Variants in ZPLD1 observed in about 807,000 individuals in gnomAD.
ZPLD1 encodes the protein zona pellucida-like domain-containing protein 1.
ZPLD1 carries 34 observed loss-of-function variants against 47.2 expected under a neutral mutation model. The ratio of observed to expected loss-of-function variants is 0.72; its 90% CI spans 0.55 to 0.96. The LOEUF (loss-of-function observed/expected upper bound fraction) is 0.96, where lower values mean the gene tolerates loss of function less well. ZPLD1 is among the 40% of genes least tolerant of loss of function. ZPLD1 has a pLI of 0.00. For missense variants in ZPLD1, 512 were observed against 505.8 expected (o/e 1.01, Z -0.12); for synonymous variants, 176 against 186.2 (o/e 0.95, Z 0.45).
At chr3:102,418,299 C>G (rs1159142104) in intron 8 of ZPLD1, 7 of 152,030 alleles carry the variant, frequency 4.6e-5, no homozygotes, top group Non-Finnish European at 1.0e-4. Context: ...ATAATGTTTT[C>G]TTTTTAACAC....
At chr3:102,431,941 T>C (rs1294343047), upstream of ZPLD1, among the ~76,000 whole-genome samples, 2 of 152,052 alleles carry the variant, frequency 1.3e-5, no homozygotes, top group African/African-American at 4.8e-5. Flanking sequence ...AATAATGATT[T>C]TGAAGGGCGA....
chr3:102,435,287 C>T (rs896800566), intron 1 of ZPLD1, 133 bp downstream of exon 1: 4 of 937,002 alleles, frequency 4.3e-6, no homozygotes, highest in South Asian at 2.9e-5. Flanking sequence ...AGGGATACTG[C>T]CTTTATAAGA....
At chr3:102,430,232 C>T (rs149020416), upstream of ZPLD1, among the ~76,000 whole-genome samples, 1 of 152,300 alleles carries the variant, frequency 6.6e-6, no homozygotes, top group East Asian at 1.9e-4. Context: ...ATGAATGCTA[C>T]CTAGTTCACC....
At chr3:102,415,560 T>G (rs1167579029) in intron 7 of ZPLD1, among the ~76,000 whole-genome samples, 1 of 151,992 alleles carries the variant, frequency 6.6e-6, no homozygotes, top group East Asian at 1.9e-4. Flanking sequence ...TTCTTATGTT[T>G]GTTTTATAAT....
At chr3:102,423,982 A>G (rs1706911673) in intron 8 of ZPLD1, among the ~76,000 whole-genome samples, 1 of 152,154 alleles carries the variant, frequency 6.6e-6, no homozygotes, top group Non-Finnish European at 1.5e-5. Context: ...CTAGAGTGCT[A>G]CAGGAGAAAC....
rs754372985 is a variant in ZPLD1, at chr3:102,453,150, T to C, written c.327+11T>C. ...GGAAACAACCTGGTGGTAAGATTAG[T>C]GTGACATTGTGTGCTAGGTCTGGGG... On this transcript the variant is annotated intron_variant, in intron 4 of 11. Transcript: ENST00000466937. The C allele has an allele frequency of 1.2e-5, 19 of 1,609,096 alleles. No homozygotes were observed. Among genetic ancestry groups the C allele is most frequent in the Non-Finnish European group, 1.7e-6 (2 of 1,175,776 alleles).
chr3:102,465,581 G>A (rs947443398), intron 8 of ZPLD1, among the ~76,000 whole-genome samples: 1 of 151,794 alleles, frequency 6.6e-6, no homozygotes, highest in Non-Finnish European at 1.5e-5. Context: ...GATTTTTTTT[G>A]ACATTTCTCT....
At chr3:102,441,802 A>G (rs1393267298) in intron 3 of ZPLD1, among the ~76,000 whole-genome samples, 1 of 152,178 alleles carries the variant, frequency 6.6e-6, no homozygotes. Context: ...TGACAGGACC[A>G]TTTGTCACAC....
At chr3:102,446,069 T>G (rs1367046492) in intron 3 of ZPLD1, among the ~76,000 whole-genome samples, 2 of 152,214 alleles carry the variant, frequency 1.3e-5, no homozygotes, top group Non-Finnish European at 2.9e-5. Context: ...TATACATATT[T>G]TGTTTGTAAA....
intron 3 of ZPLD1, among the ~76,000 whole-genome samples, chr3:102,440,293 G>A (rs949529401): frequency 1.3e-5 from 2 of 152,172 alleles, no homozygotes; most frequent in African/African-American, 4.8e-5. Context: ...TAGAGGCAGA[G>A]AGAAATATCC....
chr3:102,462,406 G>T, intron 7 of ZPLD1, 28 bp downstream of exon 7: 1 of 1,508,106 alleles, frequency 6.6e-7, no homozygotes, highest in Non-Finnish European at 9.1e-7. Context: ...TCTTTTTTAG[G>T]TTAAAACTCT....
At chr3:102,456,592 T>G (rs566386016) in intron 5 of ZPLD1, among the ~76,000 whole-genome samples, 1 of 151,356 alleles carries the variant, frequency 6.6e-6, no homozygotes, top group African/African-American at 2.4e-5. Flanking sequence ...TATCTATCTA[T>G]CTCTAATTGT....
intron 3 of ZPLD1, among the ~76,000 whole-genome samples, chr3:102,445,365 C>T (rs1442180168): frequency 1.3e-5 from 2 of 152,210 alleles, no homozygotes; most frequent in Non-Finnish European, 2.9e-5. Flanking sequence ...TGATTCTTGT[C>T]TCTCTCCCTC....
At chr3:102,422,366 G>T (rs911677156) in intron 8 of ZPLD1, among the ~76,000 whole-genome samples, 2 of 151,984 alleles carry the variant, frequency 1.3e-5, no homozygotes, top group African/African-American at 4.8e-5. Flanking sequence ...GTATATAGTG[G>T]ATAGAAGCCA....
At chr3:102,428,178 A>G (rs1706973167) in intron 8 of ZPLD1, among the ~76,000 whole-genome samples, 1 of 152,202 alleles carries the variant, frequency 6.6e-6, no homozygotes, top group African/African-American at 2.4e-5. Context: ...ATTACCCTGT[A>G]TAAACGTGAG....
rs1707124290 is a variant in ZPLD1, at chr3:102,438,485, G to T, written c.-3G>T. 1.9e-6 allele frequency: 3 copies of T among 1,613,184 alleles called. No homozygotes were observed. The East Asian group carries it at 6.7e-5, about 36-fold the overall frequency. ...GATAGATATCTCTTTTCCAGGTTTT[G>T]CAATGGAACAAATATGGTTGCTGCT... is the stretch of plus-strand genomic sequence containing the variant. On this transcript the variant is annotated 5_prime_UTR_variant, in exon 3 of 12. Coordinates refer to ENST00000466937, the MANE Select transcript of ZPLD1 (RefSeq NM_001329788.2).
intron 8 of ZPLD1, among the ~76,000 whole-genome samples, chr3:102,420,975 GTT>G (rs1706870881): frequency 6.6e-6 from 1 of 151,942 alleles, no homozygotes; most frequent in East Asian, 1.9e-4. Flanking sequence ...AGTATATTTA[GTT>G]TGATAAAAGT....
chr3:102,464,704 T>G (rs527567372), intron 8 of ZPLD1, among the ~76,000 whole-genome samples: 1 of 152,316 alleles, frequency 6.6e-6, no homozygotes, highest in East Asian at 1.9e-4. Context: ...GTATTTAGTA[T>G]AAAACTATAA....
At position 102,453,295 on chromosome 3, in the gene ZPLD1, T is replaced by C. The variant is rs540964639; in HGVS notation, c.327+156T>C. Among the ~76,000 whole-genome samples the C allele has an allele frequency of 4.6e-5, 7 of 152,336 alleles. No individual in the cohort carries two copies. In the South Asian group the frequency reaches 1.2e-3, roughly 27 times the overall value. ...CCTGTTTGAGGCATGCACTAGCAAA[T>C]ATACAATTCTATCTTCCAATAATGG... On this transcript the variant is annotated intron_variant, in intron 4 of 11. Transcript: ENST00000466937.
Sources: gnomAD v4.1 joint callset for allele counts (sites outside exome capture counted in the v4.1 genomes callset) on GRCh38, gnomAD v4.1.1 for gene constraint, MANE v1.5 for transcripts, NCBI Gene and HGNC (gene_info 2026-07-23, HGNC 2026-07-21) for gene names.